The following MMP26 variants were observed in gnomAD, a reference collection of about 807,000 sequenced individuals.
The protein encoded by MMP26 is matrix metallopeptidase 26, also known as matrix metalloproteinase-26.
In MMP26, 33 loss-of-function variants were observed where a neutral mutation model predicts 31.0. The observed-to-expected ratio is 1.06, with a 90% CI of 0.81 to 1.42. The LOEUF (loss-of-function observed/expected upper bound fraction) is 1.42. Among genes scored for constraint, MMP26 ranks in the 40% most tolerant of loss-of-function variants. The probability of loss-of-function intolerance (pLI) is 0.00; values close to 1 mark genes in which losing one functional copy is unlikely to be tolerated. For synonymous variants in MMP26, 122 were observed against 114.9 expected, an observed-to-expected ratio of 1.06 and a Z score of -0.40; for missense variants, 347 against 316.1, an observed-to-expected ratio of 1.10 and a Z score of -0.74.
intron 2 of MMP26, among the ~76,000 whole-genome samples, chr11:4,971,701 C>T (rs926925677): frequency 6.6e-6 from 1 of 152,214 alleles, no homozygotes; most frequent in East Asian, 1.9e-4. Flanking sequence ...TACTTTATAG[C>T]AAAATGGGTT....
At chr11:4,849,439 TC>T (rs1849942228) in intron 2 of MMP26, among the ~76,000 whole-genome samples, 1 of 152,200 alleles carries the variant, frequency 6.6e-6, no homozygotes, top group Admixed American at 6.5e-5. Context: ...ATAGCTGTCC[TC>T]ATAGCTCTGT....
chr11:4,989,795 G>A lies in MMP26; in HGVS notation c.247G>A (p.Gly83Arg). The A allele has an allele frequency of 6.2e-7, 1 of 1,613,720 alleles. No homozygotes were observed. Among genetic ancestry groups the A allele is most frequent in the East Asian group, 2.2e-5 (1 of 44,870 alleles). Residue 83 changes from glycine to arginine, a missense_variant, in exon 4 of 8, where the codon GGG becomes AGG. Transcript: ENST00000380390. Reference sequence around the variant, plus strand: ...TGCTCTGCTACACCAGCCCCACTGTGGGGTGCCTGATGGGTCCGACACCTC... The same window carrying A: ...TGCTCTGCTACACCAGCCCCACTGTAGGGTGCCTGATGGGTCCGACACCTC... The part of the protein sequence containing the change: ...MHALLHQPHC[G>R]VPDGSDTSIS...
chr11:4,877,910 C>T (rs1375497073), intron 2 of MMP26: 1 of 152,096 alleles, frequency 6.6e-6, no homozygotes, highest in Non-Finnish European at 1.5e-5. Flanking sequence ...AATTTACTCA[C>T]TTTGGTATAT....
At chr11:4,779,639 T>A (rs1848832975) in intron 2 of MMP26, among the ~76,000 whole-genome samples, 1 of 152,136 alleles carries the variant, frequency 6.6e-6, no homozygotes, top group Admixed American at 6.5e-5. Context: ...TTCAGAAAAC[T>A]TTTTGAATTC....
intron 2 of MMP26, chr11:4,909,349 G>C (rs777895431): frequency 6.6e-6 from 1 of 152,066 alleles, no homozygotes; most frequent in Admixed American, 6.6e-5. Context: ...CAATCTCTCT[G>C]GGATTCTAAG....
At chr11:4,764,499 A>AG in intron 1 of MMP26, among the ~76,000 whole-genome samples, 1 of 152,194 alleles carries the variant, frequency 6.6e-6, no homozygotes, top group Non-Finnish European at 1.5e-5. Context: ...CGACCCAAGC[A>AG]GGGCTAAAGA....
chr11:4,717,324 AT>A (rs1432172091), intron 1 of MMP26, among the ~76,000 whole-genome samples: 2 of 152,188 alleles, frequency 1.3e-5, no homozygotes, highest in African/African-American at 4.8e-5. Flanking sequence ...GTAATGTTTG[AT>A]GTTAAACAAA....
Position 4,789,530 on chromosome 11 carries a change from C to CTTTTTTTTTTTT in MMP26, c.-145+22207_-145+22218dup, listed in dbSNP as rs71050429. 4.2e-3 allele frequency among the ~76,000 whole-genome samples: 278 copies of CTTTTTTTTTTTT among 65,962 alleles called. 42 individuals carry two copies. The highest frequency in any genetic ancestry group is 0.012 in the African/African-American group (222 of 18,634). 43.3% of individuals were successfully genotyped at this position (65,962 alleles called of 152,430 possible). A position where few individuals can be genotyped will look rare whatever the true frequency, so the allele number is the denominator to read the frequency against. ...TCCTGAAGGTAAAGATATCCCCCCA[C>CTTTTTTTTTTTT]TTTTTTTTTTTTTTTTTTTTTTTTT... On this transcript the variant is annotated intron_variant, in intron 2 of 7. Transcript: ENST00000380390.
intron 1 of MMP26, among the ~76,000 whole-genome samples, chr11:4,740,015 T>C (rs77517730): frequency 0.12 from 17,514 of 152,166 alleles, 1,074 homozygotes; most frequent in Non-Finnish European, 0.13. Flanking sequence ...AAATTTCAGG[T>C]ATGGATTATA....
intron 2 of MMP26, among the ~76,000 whole-genome samples, chr11:4,815,438 C>T (rs1849407664): frequency 6.6e-6 from 1 of 152,070 alleles, no homozygotes. Flanking sequence ...TAGTAGCTAA[C>T]TTTTATAGGA....
At chr11:4,955,995 T>G (rs1385532339) in intron 2 of MMP26, among the ~76,000 whole-genome samples, 8 of 152,230 alleles carry the variant, frequency 5.3e-5, no homozygotes. Context: ...GGTTTAAATT[T>G]TGCAGTTAGT....
intron 1 of MMP26, among the ~76,000 whole-genome samples, chr11:4,754,266 A>G (rs928628855): frequency 7.2e-5 from 11 of 151,798 alleles, no homozygotes; most frequent in Non-Finnish European, 1.2e-4. Context: ...AATAATAATG[A>G]TGATAATTAT....
intron 2 of MMP26, among the ~76,000 whole-genome samples, chr11:4,919,695 T>C (rs927010923): frequency 2.6e-5 from 4 of 152,186 alleles, no homozygotes; most frequent in African/African-American, 9.7e-5. Flanking sequence ...CACTGGAGAA[T>C]TAAATTCACT....
At chr11:4,777,853 TG>T (rs1848808997) in intron 2 of MMP26, among the ~76,000 whole-genome samples, 1 of 152,112 alleles carries the variant, frequency 6.6e-6, no homozygotes, top group South Asian at 2.1e-4. Flanking sequence ...CTGTTGTTGA[TG>T]GATGTTGTTG....
intron 1 of MMP26, among the ~76,000 whole-genome samples, chr11:4,745,108 C>G (rs1848362748): frequency 1.3e-5 from 2 of 152,054 alleles, no homozygotes; most frequent in South Asian, 4.1e-4. Flanking sequence ...TAAATTTTGA[C>G]TAATATAAAA....
In MMP26 at chr11:4,723,515, G is replaced by C. The variant is rs1424633602; in HGVS notation, c.-217+18470G>C. On this transcript the variant is annotated intron_variant, in intron 1 of 7. Coordinates refer to ENST00000380390, the MANE Select transcript of MMP26 (RefSeq NM_021801.5). ...ATCTCCTCTTCATACAGCTGCCTGA[G>C]GAAGTTGATCTCGTCAGTCAGCCCT... The C allele has an allele frequency of 5.9e-6, 7 of 1,184,292 alleles. No individual in the cohort carries two copies. In the Middle Eastern group the frequency reaches 6.9e-4, roughly 117 times the overall value. The allele number at this position is 1,184,292 out of a possible 1,614,324, so 73.4% of individuals were successfully genotyped here. A position where few individuals can be genotyped will look rare whatever the true frequency, so the allele number is the denominator to read the frequency against.
chr11:4,771,308 T>A (rs1023254682), intron 2 of MMP26, among the ~76,000 whole-genome samples: 1 of 152,188 alleles, frequency 6.6e-6, no homozygotes, highest in Non-Finnish European at 1.5e-5. Flanking sequence ...ATGAGGACCA[T>A]CATTTGCACT....
chr11:4,874,847 T>C (rs1034506605), intron 2 of MMP26, among the ~76,000 whole-genome samples: 1 of 152,086 alleles, frequency 6.6e-6, no homozygotes, highest in Non-Finnish European at 1.5e-5. Flanking sequence ...ATAGTAGACA[T>C]TAATGTCTGT....
At chr11:4,942,649 C>G (rs1467695993) in intron 2 of MMP26, among the ~76,000 whole-genome samples, 1 of 151,984 alleles carries the variant, frequency 6.6e-6, no homozygotes, top group African/African-American at 2.4e-5. Flanking sequence ...TTTCATCTTG[C>G]TTTTGTGTTT....
Sources: gnomAD v4.1 joint callset for allele counts (sites outside exome capture counted in the v4.1 genomes callset) on GRCh38, gnomAD v4.1.1 for gene constraint, MANE v1.5 for transcripts, NCBI Gene and HGNC (gene_info 2026-07-23, HGNC 2026-07-21) for gene names.